The following PTPRM variants were observed in gnomAD, a reference collection of about 807,000 sequenced individuals.
The protein encoded by PTPRM is receptor-type tyrosine-protein phosphatase mu.
PTPRM carries 47 observed loss-of-function variants against 186.7 expected under a neutral mutation model. The observed-to-expected ratio is 0.25, with a 90% CI of 0.20 to 0.32. The LOEUF (loss-of-function observed/expected upper bound fraction) is 0.32, where lower values mean the gene tolerates loss of function less well. PTPRM is among the 10% of genes least tolerant of loss of function. The pLI is 1.00. For missense variants in PTPRM, 1,494 were observed against 1,865.0 expected (o/e 0.80, Z 3.66); for synonymous variants, 668 against 674.9 (o/e 0.99, Z 0.16).
chr18:7,942,153 G>A (rs1007384121), intron 5 of PTPRM, among the ~76,000 whole-genome samples: 14 of 151,912 alleles, frequency 9.2e-5, no homozygotes, highest in Non-Finnish European at 1.5e-5. Context: ...TGTGGTGGCA[G>A]GCACCTGTAG....
chr18:8,335,624 A>T (rs1303715563), intron 22 of PTPRM, among the ~76,000 whole-genome samples: 3 of 152,252 alleles, frequency 2.0e-5, no homozygotes, highest in African/African-American at 7.2e-5. Flanking sequence ...ACTGCCTTAC[A>T]GATTCAAGCA....
intron 7 of PTPRM, among the ~76,000 whole-genome samples, chr18:8,023,771 A>G (rs1026880322): frequency 2.0e-5 from 3 of 151,816 alleles, no homozygotes; most frequent in Non-Finnish European, 4.4e-5. Flanking sequence ...AAAAATTGCT[A>G]TGGATAATAT....
At chr18:7,834,992 C>CTTTTTTTTTTTTTTTTTTTTTTTTGTTT (rs57839485) in intron 2 of PTPRM, among the ~76,000 whole-genome samples, 1 of 85,268 alleles carries the variant, frequency 1.2e-5, no homozygotes, top group African/African-American at 4.5e-5. Context: ...TTATTTGGAT[C>CTTTTTTTTTTTTTTTTTTTTTTTTGTTT]TTTTTTTTTT....
At chr18:7,872,479 C>A (rs1490336701) in intron 2 of PTPRM, among the ~76,000 whole-genome samples, 1 of 151,558 alleles carries the variant, frequency 6.6e-6, no homozygotes, top group Non-Finnish European at 1.5e-5. Flanking sequence ...GTTTTTTTTA[C>A]CCGGATTGAA....
At chr18:7,703,445 G>A (rs1239779896) in intron 1 of PTPRM, among the ~76,000 whole-genome samples, 1 of 152,180 alleles carries the variant, frequency 6.6e-6, no homozygotes, top group Non-Finnish European at 1.5e-5. Flanking sequence ...TTGTGAATGT[G>A]AGTTCACTCA....
chr18:7,672,275 T>G (rs545284553), intron 1 of PTPRM, among the ~76,000 whole-genome samples: 2 of 152,336 alleles, frequency 1.3e-5, no homozygotes, highest in African/African-American at 4.8e-5. Context: ...TTGGAAATAT[T>G]TAGAATAATA....
intron 32 of PTPRM, among the ~76,000 whole-genome samples, chr18:8,401,264 A>T (rs1184033260): frequency 2.0e-5 from 3 of 152,110 alleles, no homozygotes; most frequent in Non-Finnish European, 4.4e-5. Context: ...CTGGGCATGG[A>T]TTTTGCAGGG....
chr18:8,397,617 T>C (rs1021565818), intron 32 of PTPRM, among the ~76,000 whole-genome samples: 4 of 152,076 alleles, frequency 2.6e-5, no homozygotes, highest in African/African-American at 9.7e-5. Context: ...CAAGTCCCCA[T>C]CAAAGAACTG....
intron 7 of PTPRM, among the ~76,000 whole-genome samples, chr18:7,966,547 G>C (rs1392900073): frequency 1.3e-5 from 2 of 150,116 alleles, no homozygotes; most frequent in Non-Finnish European, 3.0e-5. Flanking sequence ...TGAGGTACCG[G>C]GTTCATCTCA....
intron 13 of PTPRM, among the ~76,000 whole-genome samples, chr18:8,120,192 T>C (rs892881899): frequency 2.6e-5 from 4 of 152,182 alleles, no homozygotes; most frequent in African/African-American, 9.6e-5. Flanking sequence ...GTGGTAGGCC[T>C]GCTGGCCCAT....
At chr18:8,341,271 A>T (rs1363957282) in intron 22 of PTPRM, among the ~76,000 whole-genome samples, 1 of 152,222 alleles carries the variant, frequency 6.6e-6, no homozygotes, top group African/African-American at 2.4e-5. Flanking sequence ...GTTTAACATA[A>T]CACTGTCATA....
intron 19 of PTPRM, among the ~76,000 whole-genome samples, chr18:8,260,687 A>G (rs2094620987): frequency 6.6e-6 from 1 of 152,192 alleles, no homozygotes; most frequent in Non-Finnish European, 1.5e-5. Flanking sequence ...GCACCAGCAT[A>G]TCCTACAAAA....
At chr18:8,146,334 A>G (rs943571040) in intron 14 of PTPRM, among the ~76,000 whole-genome samples, 6 of 152,048 alleles carry the variant, frequency 3.9e-5, no homozygotes, top group African/African-American at 1.4e-4. Flanking sequence ...CTGACTTTTA[A>G]TGATCGCTAT....
chr18:7,647,978 C>CT lies in PTPRM; in HGVS notation c.73+80093dup, dbSNP rs200146324. On this transcript the variant is annotated intron_variant, in intron 1 of 32. Coordinates refer to ENST00000580170, the MANE Select transcript of PTPRM (RefSeq NM_001105244.2). Reference sequence around the variant, plus strand: ...TGCTTTATTGCGTTTCATAGATATACTTTTTTACAAATTGAAGGTTTGTGG... The same window carrying CT: ...TGCTTTATTGCGTTTCATAGATATACTTTTTTTACAAATTGAAGGTTTGTGG... Among the ~76,000 whole-genome samples, 438 of 152,282 alleles carry CT rather than the reference C, an allele frequency of 2.9e-3. 2 individuals are homozygous for CT. Among genetic ancestry groups the CT allele is most frequent in the African/African-American group, 1.0e-2 (415 of 41,546 alleles).
chr18:8,276,107 T>C (rs1273278230), intron 19 of PTPRM, among the ~76,000 whole-genome samples: 1 of 151,998 alleles, frequency 6.6e-6, no homozygotes, highest in Non-Finnish European at 1.5e-5. Flanking sequence ...TTTAGGTTGG[T>C]TCCACTAGGA....
chr18:7,886,586 C>T (rs2146335001), intron 2 of PTPRM, among the ~76,000 whole-genome samples: 1 of 152,204 alleles, frequency 6.6e-6, no homozygotes, highest in South Asian at 2.1e-4. Flanking sequence ...TCAAAAAGCA[C>T]ATGAAGAAAC....
intron 13 of PTPRM, among the ~76,000 whole-genome samples, chr18:8,139,820 C>T (rs1051375216): frequency 1.1e-4 from 16 of 152,126 alleles, no homozygotes; most frequent in African/African-American, 3.9e-4. Flanking sequence ...TTTTTCTCTA[C>T]AGCTAGCCTG....
chr18:7,780,080 C>G (rs1394423804), intron 2 of PTPRM, among the ~76,000 whole-genome samples: 1 of 152,148 alleles, frequency 6.6e-6, no homozygotes, highest in East Asian at 1.9e-4. Flanking sequence ...ATATAGCTTT[C>G]TTCTCTAAAA....
At chr18:8,079,039 C>T (rs577008738) in intron 9 of PTPRM, among the ~76,000 whole-genome samples, 1 of 152,216 alleles carries the variant, frequency 6.6e-6, no homozygotes, top group Admixed American at 6.5e-5. Context: ...TTAGATTATT[C>T]TCTGTTCTCT....
Sources: allele counts gnomAD v4.1 joint callset (sites outside exome capture counted in the v4.1 genomes callset), GRCh38; gene constraint gnomAD v4.1.1; transcripts MANE v1.5; gene names NCBI Gene and HGNC (gene_info 2026-07-23, HGNC 2026-07-21).